KMT2C: variants seen among roughly 807,000 people sequenced by gnomAD.
KMT2C encodes histone-lysine N-methyltransferase 2C.
A neutral mutation model predicts 507.9 loss-of-function variants in KMT2C; 88 were observed. That is an observed-to-expected ratio of 0.17 (90% confidence interval 0.15 to 0.21). The LOEUF (loss-of-function observed/expected upper bound fraction) is 0.21, where lower values mean the gene tolerates loss of function less well. Ranked by LOEUF, KMT2C falls within the 10% of genes least tolerant of loss-of-function variation. KMT2C has a pLI of 1.00. For synonymous variants in KMT2C, 2,049 were observed against 2,080.8 expected (o/e 0.98, Z 0.42); for missense variants, 4,954 against 5,957.8 (o/e 0.83, Z 5.55).
At chr7:152,330,809 C>T in intron 2 of KMT2C, 70 bp from the exon 3 acceptor site, 1 of 1,391,038 alleles carries the variant, frequency 7.2e-7, no homozygotes, top group Non-Finnish European at 1.0e-6. Context: ...GTGAATGTAT[C>T]TATAAAGCAT....
intron 6 of KMT2C, among the ~76,000 whole-genome samples, chr7:152,287,541 A>C (rs1456478271): frequency 6.6e-6 from 1 of 152,230 alleles, no homozygotes; most frequent in Non-Finnish European, 1.5e-5. Flanking sequence ...TATTTAAATA[A>C]AATGCAGAGC....
chr7:152,161,452 A>G (rs1196178183), intron 43 of KMT2C, among the ~76,000 whole-genome samples: 2 of 152,222 alleles, frequency 1.3e-5, no homozygotes, highest in East Asian at 1.9e-4. Flanking sequence ...TAAGCAGACC[A>G]ATTCCCATGA....
At position 152,248,461 on chromosome 7, in the gene KMT2C, T is replaced by C; in HGVS notation, c.1973A>G (p.His658Arg). The C allele has an allele frequency of 6.2e-7, 1 of 1,614,154 alleles. No homozygotes were observed. The highest frequency in any genetic ancestry group is 8.5e-7 in the Non-Finnish European group (1 of 1,180,012). ...EVTENIEVVT[H>R]QITVQQEQLQ... ...TTGTTCTTGCTGCACAGTGATCTGG[T>C]GTGTAACGACTTCAATGTTTTCTGT... The change falls in exon 14 of 59, where the codon CAC becomes CGC. Residue 658 changes from histidine (H) to arginine (R), a missense_variant. Physicochemically the swap from His to Arg is conservative, Grantham distance 29. This residue lies in a region of KMT2C where 376 missense variants were observed against 352.4 expected (regional missense o/e 1.07). Coordinates refer to ENST00000262189, the MANE Select transcript of KMT2C (RefSeq NM_170606.3).
intron 1 of KMT2C, chr7:152,367,636 C>A: frequency 7.0e-7 from 1 of 1,420,650 alleles, no homozygotes; most frequent in Non-Finnish European, 9.9e-7. Flanking sequence ...GGTGGACAAT[C>A]CAAAGTTTTA....
At chr7:152,386,011 C>G (rs145169035) in intron 1 of KMT2C, among the ~76,000 whole-genome samples, 2 of 151,740 alleles carry the variant, frequency 1.3e-5, no homozygotes, top group African/African-American at 4.8e-5. Flanking sequence ...GTGCTTGAAC[C>G]TGAGAGGCGA....
At chr7:152,232,272 T>A (rs1464657833) in intron 16 of KMT2C, among the ~76,000 whole-genome samples, 1 of 152,232 alleles carries the variant, frequency 6.6e-6, no homozygotes, top group Non-Finnish European at 1.5e-5. Context: ...AATGCCAATA[T>A]TCATCATTAG....
At chr7:152,375,484 C>A (rs1421675138) in intron 1 of KMT2C, among the ~76,000 whole-genome samples, 2 of 151,744 alleles carry the variant, frequency 1.3e-5, no homozygotes, top group Non-Finnish European at 2.9e-5. Flanking sequence ...CTCCCAGGTT[C>A]AAGCAATTCT....
chr7:152,270,640 T>G (rs2095946856), intron 7 of KMT2C, among the ~76,000 whole-genome samples: 2 of 152,190 alleles, frequency 1.3e-5, no homozygotes. Flanking sequence ...TCCCTCTCCC[T>G]GGAATGTTCT....
In KMT2C at chr7:152,249,913, G is replaced by C. The variant is rs2095537749; in HGVS notation, c.1776C>G (p.Pro592=). The change falls in exon 13 of 59, where the codon CCC becomes CCG. Residue 592 remains proline, a synonymous_variant. Coordinates refer to ENST00000262189, the MANE Select transcript of KMT2C (RefSeq NM_170606.3). ...VHTEEQQKSH[P]SESLDTDSLL... ...GACTATCTGTGTCAAGACTTTCTGA[G>C]GGATGACTCTTCTGTTGCTCTTCAG... 1 of 1,609,862 alleles carries C rather than the reference G, an allele frequency of 6.2e-7. No individual in the cohort carries two copies. Among genetic ancestry groups the C allele is most frequent in the Non-Finnish European group, 8.5e-7 (1 of 1,176,734 alleles).
intron 44 of KMT2C, among the ~76,000 whole-genome samples, chr7:152,156,964 C>T (rs1013052478): frequency 3.9e-5 from 6 of 152,130 alleles, no homozygotes; most frequent in African/African-American, 7.2e-5. Context: ...CAAGGAGAGA[C>T]TTGGAATCTA....
intron 1 of KMT2C, among the ~76,000 whole-genome samples, chr7:152,426,970 A>G (rs1166862942): frequency 6.6e-6 from 1 of 152,074 alleles, no homozygotes; most frequent in Non-Finnish European, 1.5e-5. Context: ...TTTTAAATGC[A>G]TAAATGTATA....
chr7:152,336,945 G>A (rs573784977), intron 2 of KMT2C, among the ~76,000 whole-genome samples: 2 of 152,038 alleles, frequency 1.3e-5, no homozygotes, highest in African/African-American at 2.4e-5. Flanking sequence ...ACTATCTACG[G>A]ATAATCTCCA....
chr7:152,329,139 A>T (rs1166530184), intron 3 of KMT2C, among the ~76,000 whole-genome samples: 1 of 152,188 alleles, frequency 6.6e-6, no homozygotes, highest in Non-Finnish European at 1.5e-5. Context: ...AGAGACAAAA[A>T]GTAGACAAGA....
intron 12 of KMT2C, among the ~76,000 whole-genome samples, chr7:152,250,468 G>C (rs2129165886): frequency 6.6e-6 from 1 of 152,118 alleles, no homozygotes; most frequent in Admixed American, 6.5e-5. Flanking sequence ...AAACATCATG[G>C]AAATAAGTGA....
intron 1 of KMT2C, among the ~76,000 whole-genome samples, chr7:152,400,064 T>G (rs2097562758): frequency 6.6e-6 from 1 of 152,048 alleles, no homozygotes; most frequent in Non-Finnish European, 1.5e-5. Flanking sequence ...ATCCCAGCAC[T>G]TTGGGAGGCC....
intron 34 of KMT2C, 25 bp from the exon 35 acceptor site, chr7:152,183,181 T>G (rs1419679384): frequency 6.7e-7 from 1 of 1,487,778 alleles, no homozygotes. Flanking sequence ...GAGAAAAAAA[T>G]TTCCCAGATT....
intron 3 of KMT2C, among the ~76,000 whole-genome samples, chr7:152,318,398 C>T (rs1161494454): frequency 6.6e-6 from 1 of 151,756 alleles, no homozygotes. Flanking sequence ...GAGGTCAGTT[C>T]GAAATCACTC....
At chr7:152,399,828 G>A (rs1225810522) in intron 1 of KMT2C, among the ~76,000 whole-genome samples, 1 of 151,938 alleles carries the variant, frequency 6.6e-6, no homozygotes, top group Non-Finnish European at 1.5e-5. Flanking sequence ...GGGAGGAAAT[G>A]AAGGAGAAAT....
At chr7:152,276,355 TAAAAG>T (rs1272496482) in intron 6 of KMT2C, among the ~76,000 whole-genome samples, 2 of 152,086 alleles carry the variant, frequency 1.3e-5, no homozygotes, top group African/African-American at 2.4e-5. Flanking sequence ...ACACTACACA[TAAAAG>T]AAATCAAGCA....
Sources: allele counts gnomAD v4.1 joint callset (sites outside exome capture counted in the v4.1 genomes callset), GRCh38; gene constraint gnomAD v4.1.1; regional missense constraint gnomAD v4.1.1; transcripts MANE v1.5; gene names NCBI Gene and HGNC (gene_info 2026-07-23, HGNC 2026-07-21).